EMSY: variants seen among roughly 807,000 people sequenced by gnomAD.
The protein encoded by EMSY is BRCA2-interacting transcriptional repressor EMSY.
A neutral mutation model predicts 134.6 loss-of-function variants in EMSY; 26 were observed. That is an observed-to-expected ratio of 0.19 (90% CI 0.14 to 0.27). EMSY has a LOEUF of 0.27. Among genes scored for constraint, EMSY ranks in the 10% least tolerant of loss-of-function variants. EMSY has a pLI of 1.00. For missense variants in EMSY, 1,305 were observed against 1,611.4 expected, an observed-to-expected ratio of 0.81 and a Z score of 3.26; for synonymous variants, 579 against 577.8, an observed-to-expected ratio of 1.00 and a Z score of -0.03.
intron 9 of EMSY, among the ~76,000 whole-genome samples, chr11:76,503,056 T>C (rs1180292769): frequency 2.6e-5 from 4 of 151,782 alleles, no homozygotes; most frequent in Non-Finnish European, 4.4e-5. Flanking sequence ...ATTCCAGCAC[T>C]TTGTGGGGCT....
intron 15 of EMSY, among the ~76,000 whole-genome samples, chr11:76,537,338 C>T (rs1023988654): frequency 6.6e-6 from 1 of 152,138 alleles, no homozygotes; most frequent in African/African-American, 2.4e-5. Flanking sequence ...TTGGAGATAT[C>T]TTGAATTTTT....
At chr11:76,461,975 G>A (rs921521664) in intron 6 of EMSY, among the ~76,000 whole-genome samples, 8 of 151,724 alleles carry the variant, frequency 5.3e-5, no homozygotes, top group Non-Finnish European at 1.0e-4. Context: ...GGTGGCTCAT[G>A]CCTGTAATCC....
intron 9 of EMSY, among the ~76,000 whole-genome samples, chr11:76,506,671 C>T (rs1005618203): frequency 2.6e-5 from 4 of 152,150 alleles, no homozygotes; most frequent in Admixed American, 2.0e-4. Context: ...AACATCCACC[C>T]GCCCCTATCA....
In EMSY at chr11:76,536,104, A is replaced by C. The variant is rs775205172; in HGVS notation, c.2359+45A>C. The C allele has an allele frequency of 2.0e-5, 27 of 1,325,880 alleles. No homozygotes were observed. In the South Asian group the frequency reaches 6.0e-4, roughly 29 times the overall value. The allele number at this position is 1,325,880 out of a possible 1,614,324, so 82.1% of individuals were successfully genotyped here. A position where few individuals can be genotyped will look rare whatever the true frequency, so the allele number is the denominator to read the frequency against. ...ATTGAATGAAGCATGTTTTCTCTAG[A>C]GACGGGTTGTGCTAAAATACTACCA... On this transcript the variant is annotated intron_variant, in intron 15 of 20. Transcript: ENST00000334736.
At chr11:76,496,987 C>T (rs1218847488) in intron 9 of EMSY, 1 of 189,598 alleles carries the variant, frequency 5.3e-6, no homozygotes, top group Non-Finnish European at 1.1e-5. Context: ...AAGGAGAAAA[C>T]ATTCAGTTTT....
chr11:76,507,138 G>T (rs1245880405), intron 9 of EMSY, among the ~76,000 whole-genome samples: 1 of 152,264 alleles, frequency 6.6e-6, no homozygotes, highest in Middle Eastern at 3.4e-3. Flanking sequence ...TCTAAAAAAT[G>T]TACATACCTT....
At chr11:76,510,538 C>T (rs1338589273) in intron 9 of EMSY, among the ~76,000 whole-genome samples, 2 of 152,136 alleles carry the variant, frequency 1.3e-5, no homozygotes, top group Non-Finnish European at 2.9e-5. Context: ...TGGGGAGCAG[C>T]CAAAGGTCCT....
chr11:76,516,215 A>G, exon 11 of EMSY: 1 of 1,613,894 alleles, frequency 6.2e-7, no homozygotes, highest in Non-Finnish European at 8.5e-7. Flanking sequence ...CTGGAGCTGC[A>G]ACCTATGTGA....
chr11:76,459,179 A>G (rs1948002749), intron 5 of EMSY: 3 of 152,172 alleles, frequency 2.0e-5, no homozygotes, highest in African/African-American at 7.2e-5. Flanking sequence ...CAGAGTTTCC[A>G]CTAGTCAAAT....
exon 8 of EMSY, chr11:76,472,672 T>G: frequency 6.2e-7 from 1 of 1,614,190 alleles, no homozygotes; most frequent in Middle Eastern, 1.6e-4. Context: ...AGTCATTGCT[T>G]CTACAACCCA....
At chr11:76,537,586 C>T (rs61894547) in intron 15 of EMSY, among the ~76,000 whole-genome samples, 4,629 of 152,158 alleles carry the variant, frequency 0.03, 100 homozygotes, top group Non-Finnish European at 0.048. Context: ...GTATGTAAGT[C>T]CTTCTTACTA....
rs71040003 is a variant in EMSY, at chr11:76,522,352, C to CTTTTTTTTT, written c.1685-781_1685-773dup. Among the ~76,000 whole-genome samples, 153 of 44,248 alleles carry CTTTTTTTTT rather than the reference C, an allele frequency of 3.5e-3. 29 individuals are homozygous for CTTTTTTTTT. The highest frequency in any genetic ancestry group is 0.031 in the Middle Eastern group (1 of 32). The allele number at this position is 44,248 out of a possible 152,430, so 29.0% of individuals were successfully genotyped here. A position where few individuals can be genotyped will look rare whatever the true frequency, so the allele number is the denominator to read the frequency against. ...CTTGTTTTGTATATCGTTTACTTTGCTTTTTTTTTTTTTTTTTTTTTTTTT... is the reference window on the plus strand; with the variant it reads ...CTTGTTTTGTATATCGTTTACTTTGCTTTTTTTTTTTTTTTTTTTTTTTTTTTTTTTTTT... On this transcript the variant is annotated intron_variant, in intron 11 of 20. Transcript: ENST00000334736.
intron 11 of EMSY, among the ~76,000 whole-genome samples, chr11:76,518,684 C>CATATATATATATATATATATATATATAT: frequency 8.2e-6 from 1 of 121,628 alleles, no homozygotes; most frequent in African/African-American, 3.0e-5. Flanking sequence ...TGTGTGCGCG[C>CATATATATATATATATATATATATATAT]ATATATATAT....
chr11:76,511,517 G>A (rs1300080559), intron 9 of EMSY, among the ~76,000 whole-genome samples: 1 of 151,988 alleles, frequency 6.6e-6, no homozygotes, highest in African/African-American at 2.4e-5. Context: ...GGCCAACATG[G>A]TGAAACCCTG....
chr11:76,509,245 C>A (rs1426015832), intron 9 of EMSY, among the ~76,000 whole-genome samples: 5 of 152,120 alleles, frequency 3.3e-5, no homozygotes, highest in African/African-American at 1.2e-4. Context: ...TTGTAAAAAA[C>A]ACTTTGGGAG....
At chr11:76,453,366 C>T (rs761138815) in exon 4 of EMSY, 2 of 1,612,686 alleles carry the variant, frequency 1.2e-6, no homozygotes, top group African/African-American at 1.3e-5. Context: ...AAACGATGAA[C>T]GGTTAACAAC....
chr11:76,458,430 G>A, intron 5 of EMSY, 72 bp downstream of exon 6: 1 of 1,421,830 alleles, frequency 7.0e-7, no homozygotes, highest in Admixed American at 2.4e-5. Context: ...AAGAAAAGTT[G>A]TCTTATTTTT....
At chr11:76,501,475 A>G (rs1462459609) in intron 9 of EMSY, among the ~76,000 whole-genome samples, 2 of 152,230 alleles carry the variant, frequency 1.3e-5, no homozygotes, top group African/African-American at 4.8e-5. Context: ...ATAAAGATCA[A>G]TAAAGAGATA....
At chr11:76,486,390 TAAAATA>T (rs1949183324) in intron 8 of EMSY, among the ~76,000 whole-genome samples, 1 of 152,170 alleles carries the variant, frequency 6.6e-6, no homozygotes, top group Admixed American at 6.5e-5. Context: ...TCCCAGAACT[TAAAATA>T]TAATAAAAAA....
Sources: allele counts gnomAD v4.1 joint callset (sites outside exome capture counted in the v4.1 genomes callset), GRCh38; gene constraint gnomAD v4.1.1; transcripts MANE v1.5; gene names NCBI Gene and HGNC (gene_info 2026-07-23, HGNC 2026-07-21).